Variants in MTDH observed in about 807,000 individuals in gnomAD.
The protein encoded by MTDH is protein LYRIC.
A neutral mutation model predicts 72.7 loss-of-function variants in MTDH; 34 were observed. That is an observed-to-expected ratio of 0.47 (90% CI 0.36 to 0.62). MTDH has a LOEUF of 0.62. MTDH is among the 20% of genes least tolerant of loss of function. The pLI, the probability that MTDH is intolerant of heterozygous loss-of-function variation, is 0.00. For synonymous variants in MTDH, 266 were observed against 268.9 expected, an observed-to-expected ratio of 0.99 and a Z score of 0.10; for missense variants, 677 against 699.4, an observed-to-expected ratio of 0.97 and a Z score of 0.36.
rs1193431320 is a variant in MTDH at position 97,661,080 on chromosome 8, G to A, written c.390G>A (p.Gly130=). ...KKLSEKPKPN[G]RTVEVAEGEA... ...TTTTGTTGCCTGTGCAGCCAAATGG[G>A]CGGACTGTTGAAGTGGCTGAGGGTG... is the stretch of plus-strand genomic sequence containing the variant. Residue 130 remains glycine (G), a synonymous_variant, in exon 2 of 12, where the codon GGG becomes GGA. Coordinates refer to ENST00000336273, the MANE Select transcript of MTDH (RefSeq NM_178812.4). 3 of 1,612,454 alleles carry A rather than the reference G, an allele frequency of 1.9e-6. No homozygotes were observed. Among genetic ancestry groups the A allele is most frequent in the Non-Finnish European group, 2.5e-6 (3 of 1,178,968 alleles).
At chr8:97,663,842 T>A (rs1227019026) in intron 2 of MTDH, among the ~76,000 whole-genome samples, 1 of 152,050 alleles carries the variant, frequency 6.6e-6, no homozygotes, top group Non-Finnish European at 1.5e-5. Context: ...GAGGTGGTAG[T>A]ATTATATCCA....
At chr8:97,697,465 A>C (rs1813913967) in intron 6 of MTDH, among the ~76,000 whole-genome samples, 1 of 142,150 alleles carries the variant, frequency 7.0e-6, no homozygotes, top group African/African-American at 2.6e-5. Flanking sequence ...GGCTCACGGC[A>C]ACCTCCGCCT....
intron 1 of MTDH, among the ~76,000 whole-genome samples, chr8:97,648,859 A>G (rs753698188): frequency 2.0e-5 from 3 of 152,338 alleles, no homozygotes; most frequent in South Asian, 4.1e-4. Flanking sequence ...GATGTCCAAC[A>G]AAAGTATTTA....
chr8:97,653,138 AG>A (rs1277100665), intron 1 of MTDH, among the ~76,000 whole-genome samples: 1 of 152,108 alleles, frequency 6.6e-6, no homozygotes, highest in Non-Finnish European at 1.5e-5. Flanking sequence ...AAAAAAAAAA[AG>A]AATAATCATT....
chr8:97,709,978 T>C (rs1425616295), intron 8 of MTDH, among the ~76,000 whole-genome samples: 1 of 152,244 alleles, frequency 6.6e-6, no homozygotes, highest in Non-Finnish European at 1.5e-5. Flanking sequence ...TGGATTATAA[T>C]GAAGTGATAA....
chr8:97,724,591 C>T lies in MTDH; in HGVS notation c.1679-9C>T, dbSNP rs779120399. ...TTTTTTTCTTCGTTTTCCCCCTTTT[C>T]TTTTTTAGCCAAGTCTGAAACTAGC... On this transcript the variant is annotated splice_polypyrimidine_tract_variant and intron_variant, in intron 11 of 11. Coordinates refer to ENST00000336273, the MANE Select transcript of MTDH (RefSeq NM_178812.4). 6.3e-7 allele frequency: 1 copy of T among 1,575,532 alleles called. No individual in the cohort carries two copies. Among genetic ancestry groups the T allele is most frequent in the South Asian group, 1.2e-5 (1 of 83,274 alleles).
intron 7 of MTDH, among the ~76,000 whole-genome samples, chr8:97,703,294 G>A (rs1323669791): frequency 6.6e-6 from 1 of 152,162 alleles, no homozygotes; most frequent in Non-Finnish European, 1.5e-5. Flanking sequence ...AGAAGTCTAG[G>A]CTACAGTGTG....
chr8:97,724,588 T>A lies in MTDH; in HGVS notation c.1679-12T>A, dbSNP rs757550837. On this transcript the variant is annotated splice_polypyrimidine_tract_variant and intron_variant, in intron 11 of 11. Transcript: ENST00000336273. Reference sequence around the variant, plus strand: ...TAATTTTTTTCTTCGTTTTCCCCCTTTTCTTTTTTAGCCAAGTCTGAAACT... The same window carrying A: ...TAATTTTTTTCTTCGTTTTCCCCCTATTCTTTTTTAGCCAAGTCTGAAACT... 20 of 1,577,594 alleles carry A rather than the reference T, an allele frequency of 1.3e-5. No individual in the cohort carries two copies. The South Asian group carries it at 2.4e-4, about 19-fold the overall frequency.
In MTDH at chr8:97,644,548, C is replaced by T. The variant is rs1448405449; in HGVS notation, c.42C>T (p.Ala14=). The part of the protein sequence containing the change: ...RSWQDELAQQ[A]EEGSARLREM... ...GGCAGGACGAGCTGGCCCAGCAGGC[C>T]GAGGAGGGCTCGGCCCGGCTGCGGG... Residue 14 remains alanine (A), a synonymous_variant, in exon 1 of 12, where the codon GCC becomes GCT. Transcript: ENST00000336273. The T allele has an allele frequency of 6.2e-6, 10 of 1,600,626 alleles. No homozygotes were observed. The African/African-American group carries it at 1.1e-4, about 17-fold the overall frequency.
intron 1 of MTDH, among the ~76,000 whole-genome samples, chr8:97,660,682 A>C (rs1156844905): frequency 6.6e-6 from 1 of 152,138 alleles, no homozygotes; most frequent in Non-Finnish European, 1.5e-5. Flanking sequence ...TGAGTAGATC[A>C]TACCTGTCAC....
chr8:97,651,191 A>G (rs547782453), intron 1 of MTDH, among the ~76,000 whole-genome samples: 7 of 152,344 alleles, frequency 4.6e-5, no homozygotes, highest in African/African-American at 1.2e-4. Flanking sequence ...ATTTTCACCA[A>G]TACCATATAC....
At chr8:97,716,812 C>T (rs960281984) in intron 9 of MTDH, among the ~76,000 whole-genome samples, 2 of 152,076 alleles carry the variant, frequency 1.3e-5, no homozygotes, top group African/African-American at 4.8e-5. Context: ...TGAAGGGATC[C>T]TCCTGCTTCA....
chr8:97,706,228 T>G (rs903133028), intron 7 of MTDH, among the ~76,000 whole-genome samples: 1 of 152,214 alleles, frequency 6.6e-6, no homozygotes, highest in Non-Finnish European at 1.5e-5. Flanking sequence ...TTGGTACTAC[T>G]GTTAAGAATT....
chr8:97,700,528 G>A (rs1163773662), intron 7 of MTDH, among the ~76,000 whole-genome samples: 1 of 151,978 alleles, frequency 6.6e-6, no homozygotes, highest in Non-Finnish European at 1.5e-5. Flanking sequence ...CTGAAAATGG[G>A]GACTAGCACT....
At chr8:97,699,290 A>G (rs1391025270) in intron 6 of MTDH, among the ~76,000 whole-genome samples, 5 of 152,126 alleles carry the variant, frequency 3.3e-5, no homozygotes, top group Admixed American at 3.3e-4. Context: ...TCTGTCTCGA[A>G]AAAAGAAAAA....
At chr8:97,707,227 C>G (rs1814390494) in intron 8 of MTDH, among the ~76,000 whole-genome samples, 1 of 150,732 alleles carries the variant, frequency 6.6e-6, no homozygotes, top group Non-Finnish European at 1.5e-5. Context: ...TCTCAGCTCA[C>G]TGCAACCTCT....
At chr8:97,646,330 C>T (rs1041119859) in intron 1 of MTDH, among the ~76,000 whole-genome samples, 14 of 152,144 alleles carry the variant, frequency 9.2e-5, no homozygotes, top group African/African-American at 3.4e-4. Flanking sequence ...AATGTGAATA[C>T]TACCATAAGT....
chr8:97,686,601 A>G (rs1813373754), intron 2 of MTDH, 67 bp from the exon 3 acceptor site: 2 of 961,924 alleles, frequency 2.1e-6, no homozygotes, highest in East Asian at 3.1e-5. Context: ...TTCATTATGT[A>G]TTTTACTGAC....
intron 10 of MTDH, among the ~76,000 whole-genome samples, chr8:97,720,532 C>T (rs536377086): frequency 8.6e-5 from 13 of 151,672 alleles, no homozygotes; most frequent in Admixed American, 2.6e-4. Context: ...GCTGTAATTG[C>T]GCCACTGCAC....
Sources: gnomAD v4.1 joint callset for allele counts (sites outside exome capture counted in the v4.1 genomes callset) on GRCh38, gnomAD v4.1.1 for gene constraint, MANE v1.5 for transcripts, NCBI Gene and HGNC (gene_info 2026-07-23, HGNC 2026-07-21) for gene names.